N4BP2L2: variants seen among roughly 807,000 people sequenced by gnomAD.
N4BP2L2 encodes NEDD4-binding protein 2-like 2.
A neutral mutation model predicts 56.2 loss-of-function variants in N4BP2L2; 50 were observed. That is an observed-to-expected ratio of 0.89 (90% CI 0.71 to 1.13). N4BP2L2 has a LOEUF of 1.13. N4BP2L2 is among the 50% of genes most tolerant of loss of function. The pLI, the probability that N4BP2L2 is intolerant of heterozygous loss-of-function variation, is 0.00. For missense variants in N4BP2L2, 689 were observed against 693.8 expected (o/e 0.99, Z 0.08); for synonymous variants, 203 against 223.6 (o/e 0.91, Z 0.82).
intron 6 of N4BP2L2, among the ~76,000 whole-genome samples, chr13:32,494,748 A>G (rs939930747): frequency 6.6e-6 from 1 of 152,180 alleles, no homozygotes; most frequent in African/African-American, 2.4e-5. Context: ...CCTGGGTGAC[A>G]GAGTAACCCA....
chr13:32,468,835 G>T (rs749935671), intron 6 of N4BP2L2, among the ~76,000 whole-genome samples: 4 of 152,226 alleles, frequency 2.6e-5, no homozygotes, highest in Non-Finnish European at 5.9e-5. Context: ...GATAGACAGG[G>T]GAGAGCCAGC....
chr13:32,449,398 C>T (rs899738198), intron 6 of N4BP2L2, among the ~76,000 whole-genome samples: 3 of 152,150 alleles, frequency 2.0e-5, no homozygotes, highest in Non-Finnish European at 2.9e-5. Context: ...TTGGGTTCTA[C>T]TTCCAATTTA....
In N4BP2L2 at chr13:32,500,859, T is replaced by C. The variant is rs555545648; in HGVS notation, c.365+16998A>G. On this transcript the variant is annotated intron_variant, in intron 6 of 9. Transcript: ENST00000357505. ...TCTTATGACAACTCTGTCACTTTAG[T>C]CTTTTCTTTTTTTTTTTTTTTTTGA... 2.8e-5 allele frequency among the ~76,000 whole-genome samples: 4 copies of C among 141,850 alleles called. No individual in the cohort carries two copies. The South Asian group carries it at 9.4e-4, about 33-fold the overall frequency. 93.1% of individuals were successfully genotyped at this position (141,850 alleles called of 152,430 possible). A position where few individuals can be genotyped will look rare whatever the true frequency, so the allele number is the denominator to read the frequency against.
At chr13:32,440,401 G>A (rs142521685) in intron 7 of N4BP2L2, among the ~76,000 whole-genome samples, 58 of 152,274 alleles carry the variant, frequency 3.8e-4, no homozygotes, top group African/African-American at 1.4e-3. Context: ...ATCAGCTATT[G>A]AGTTACAGAT....
At chr13:32,525,415 G>T (rs941671619) in intron 3 of N4BP2L2, 7 of 152,178 alleles carry the variant, frequency 4.6e-5, no homozygotes, top group African/African-American at 1.7e-4. Context: ...ACTATAAATT[G>T]TAACAGCGTG....
At chr13:32,475,739 T>C (rs537414649) in intron 6 of N4BP2L2, among the ~76,000 whole-genome samples, 1 of 152,332 alleles carries the variant, frequency 6.6e-6, no homozygotes, top group African/African-American at 2.4e-5. Flanking sequence ...GGGCTGCTTT[T>C]CATTAAAAAG....
chr13:32,489,204 T>C (rs1180004123), intron 6 of N4BP2L2, among the ~76,000 whole-genome samples: 1 of 152,254 alleles, frequency 6.6e-6, no homozygotes, highest in Admixed American at 6.5e-5. Flanking sequence ...ACTTTCTTAT[T>C]TGATGACTTC....
In N4BP2L2 at chr13:32,522,285, A is replaced by G; in HGVS notation, c.1385-15T>C. 1 of 1,448,476 alleles carries G rather than the reference A, an allele frequency of 6.9e-7. No homozygotes were observed. The highest frequency in any genetic ancestry group is 9.3e-7 in the Non-Finnish European group (1 of 1,072,704). The allele number at this position is 1,448,476 out of a possible 1,614,324, so 89.7% of individuals were successfully genotyped here. On this transcript the variant is annotated splice_polypyrimidine_tract_variant and intron_variant, in intron 3 of 5. Transcript: ENST00000267068. ...AGCTTGTTTTGCTGAAATAAAATATAAATTTAAAAATAAAAAAACAAATTA... is the reference window on the plus strand; with the variant it reads ...AGCTTGTTTTGCTGAAATAAAATATGAATTTAAAAATAAAAAAACAAATTA...
intron 8 of N4BP2L2, among the ~76,000 whole-genome samples, chr13:32,437,976 T>A (rs1230406399): frequency 1.3e-5 from 2 of 152,250 alleles, no homozygotes; most frequent in African/African-American, 4.8e-5. Context: ...ATTTTATTTT[T>A]TATTCCATAA....
intron 6 of N4BP2L2, among the ~76,000 whole-genome samples, chr13:32,450,502 T>G (rs1005411783): frequency 9.2e-5 from 14 of 151,960 alleles, no homozygotes; most frequent in Non-Finnish European, 1.9e-4. Context: ...TTTTTTGTAT[T>G]TTTAGTAGAG....
chr13:32,468,478 C>T (rs756453454), intron 6 of N4BP2L2, among the ~76,000 whole-genome samples: 13 of 152,070 alleles, frequency 8.5e-5, no homozygotes, highest in Admixed American at 2.0e-4. Flanking sequence ...ATTGGTAAAG[C>T]GAAGAACAAA....
At position 32,538,665 on chromosome 13, in the gene N4BP2L2, T is replaced by C. The variant is rs1243692381; in HGVS notation, c.-48A>G. ...ACCTTTACCTCCCAATAAAACCTTC[T>C]TTTAGGAAGACACGAACCTCTGTGA... On this transcript the variant is annotated 5_prime_UTR_variant, in exon 1 of 6. Coordinates refer to ENST00000267068, the Ensembl canonical transcript of N4BP2L2. The C allele has an allele frequency of 6.1e-6, 6 of 985,446 alleles. No homozygotes were observed. In the South Asian group the frequency reaches 2.8e-4, roughly 46 times the overall value. 61.0% of individuals were successfully genotyped at this position (985,446 alleles called of 1,614,324 possible).
At chr13:32,476,621 A>G (rs2083371265) in intron 6 of N4BP2L2, among the ~76,000 whole-genome samples, 1 of 152,214 alleles carries the variant, frequency 6.6e-6, no homozygotes, top group South Asian at 2.1e-4. Flanking sequence ...CAAGGGCTCA[A>G]AAATACTGAT....
chr13:32,499,177 G>GCCTT (rs1447040539), intron 6 of N4BP2L2, among the ~76,000 whole-genome samples: 1 of 152,030 alleles, frequency 6.6e-6, no homozygotes, highest in African/African-American at 2.4e-5. Flanking sequence ...CCTATAGGAA[G>GCCTT]CCTTCCTTGA....
intron 6 of N4BP2L2, among the ~76,000 whole-genome samples, chr13:32,496,972 C>T (rs190484430): frequency 1.3e-3 from 201 of 152,278 alleles, no homozygotes; most frequent in Non-Finnish European, 2.5e-3. Flanking sequence ...ACTTGACAGG[C>T]CAGCCCATAT....
chr13:32,535,689 T>C, intron 2 of N4BP2L2, 80 bp downstream of exon 2: 1 of 1,453,178 alleles, frequency 6.9e-7, no homozygotes, highest in South Asian at 1.3e-5. Context: ...CATGCATGAG[T>C]CACTGCAGCC....
At chr13:32,518,563 T>A (rs1354828281) in intron 5 of N4BP2L2, among the ~76,000 whole-genome samples, 1 of 152,164 alleles carries the variant, frequency 6.6e-6, no homozygotes, top group African/African-American at 2.4e-5. Context: ...TATAAAGCTT[T>A]GATAAAAGGC....
exon 8 of N4BP2L2, chr13:32,438,669 A>G (rs1277393249): frequency 6.2e-7 from 1 of 1,606,238 alleles, no homozygotes; most frequent in Non-Finnish European, 8.5e-7. Context: ...GACATCTTCC[A>G]TTGCAAGTAG....
At chr13:32,533,927 TAC>T (rs569465842) in intron 2 of N4BP2L2, among the ~76,000 whole-genome samples, 2 of 152,274 alleles carry the variant, frequency 1.3e-5, no homozygotes, top group South Asian at 4.1e-4. Flanking sequence ...CCTAAAGAGG[TAC>T]AGACCAGGAT....
Sources: gnomAD v4.1 joint callset for allele counts (sites outside exome capture counted in the v4.1 genomes callset) on GRCh38, gnomAD v4.1.1 for gene constraint, MANE v1.5 for transcripts, NCBI Gene and HGNC (gene_info 2026-07-23, HGNC 2026-07-21) for gene names.